The following ENPP1 variants were observed in gnomAD, a reference collection of about 807,000 sequenced individuals.
ENPP1 encodes the protein ectonucleotide pyrophosphatase/phosphodiesterase 1.
In ENPP1, 73 loss-of-function variants were observed where a neutral mutation model predicts 122.8. The observed-to-expected ratio is 0.59, with a 90% confidence interval of 0.49 to 0.72. The LOEUF (loss-of-function observed/expected upper bound fraction) is 0.72, where lower values mean the gene tolerates loss of function less well. ENPP1 is among the 30% of genes least tolerant of loss of function. ENPP1 has a pLI of 0.00. For synonymous variants in ENPP1, 367 were observed against 391.6 expected (o/e 0.94, Z 0.74); for missense variants, 978 against 1,128.1 (o/e 0.87, Z 1.91).
chr6:131,878,470 A>G (rs1470842072), intron 18 of ENPP1, 72 bp from the exon 19 acceptor site: 14 of 875,318 alleles, frequency 1.6e-5, no homozygotes, highest in South Asian at 1.4e-4. Context: ...TAATCAATCT[A>G]TAGCGGTTCT....
At chr6:131,860,712 G>T (rs1446822750) in intron 8 of ENPP1, among the ~76,000 whole-genome samples, 1 of 152,108 alleles carries the variant, frequency 6.6e-6, no homozygotes, top group African/African-American at 2.4e-5. Context: ...TTCAGAGGTG[G>T]ATTTGGGTTG....
intron 3 of ENPP1, 124 bp from the exon 4 acceptor site, chr6:131,851,018 C>A: frequency 1.8e-6 from 2 of 1,084,778 alleles, no homozygotes; most frequent in Non-Finnish European, 1.4e-6. Flanking sequence ...CTGTGAGTGA[C>A]TAAGAGCTGT....
chr6:131,890,249 C>A, intron 24 of ENPP1, 92 bp from the exon 25 acceptor site: 1 of 1,034,748 alleles, frequency 9.7e-7, no homozygotes. Context: ...GCTGAAATCT[C>A]GTAAATGATT....
At chr6:131,817,152 T>C (rs1478393728) in intron 1 of ENPP1, among the ~76,000 whole-genome samples, 1 of 152,078 alleles carries the variant, frequency 6.6e-6, no homozygotes, top group Admixed American at 6.6e-5. Flanking sequence ...TAGTACATAA[T>C]AGACTATGAT....
intron 1 of ENPP1, among the ~76,000 whole-genome samples, chr6:131,836,115 TTC>T (rs1415226915): frequency 1.4e-5 from 2 of 147,666 alleles, no homozygotes; most frequent in Non-Finnish European, 3.0e-5. Flanking sequence ...GTGTGTGGTT[TTC>T]TTTTTTTTTT....
chr6:131,889,642 A>G (rs1782437388), intron 24 of ENPP1, among the ~76,000 whole-genome samples: 1 of 152,152 alleles, frequency 6.6e-6, no homozygotes, highest in Non-Finnish European at 1.5e-5. Flanking sequence ...TATACACCAT[A>G]GTATTCCATG....
intron 2 of ENPP1, among the ~76,000 whole-genome samples, chr6:131,849,062 C>A (rs1781848484): frequency 6.6e-6 from 1 of 151,538 alleles, no homozygotes; most frequent in African/African-American, 2.4e-5. Context: ...TTCTCATTGT[C>A]CTAATTTTCT....
At chr6:131,844,248 C>T (rs1449549472) in intron 1 of ENPP1, among the ~76,000 whole-genome samples, 1 of 152,130 alleles carries the variant, frequency 6.6e-6, no homozygotes, top group South Asian at 2.1e-4. Flanking sequence ...ATTTCAGTTA[C>T]CACAGTTTAA....
intron 6 of ENPP1, among the ~76,000 whole-genome samples, chr6:131,858,004 C>T (rs1207562779): frequency 6.6e-6 from 1 of 152,042 alleles, no homozygotes; most frequent in Non-Finnish European, 1.5e-5. Context: ...TGATGGAAGG[C>T]AGTGAGATAT....
intron 1 of ENPP1, among the ~76,000 whole-genome samples, chr6:131,832,299 CTG>C (rs1781624458): frequency 1.3e-5 from 2 of 152,250 alleles, no homozygotes; most frequent in Middle Eastern, 3.4e-3. Context: ...TGCCTGAACT[CTG>C]TGCATTTCCC....
Position 131,863,471 on chromosome 6 carries a change from GA to G in ENPP1, c.1026-1031del, listed in dbSNP as rs1156364947. Among the ~76,000 whole-genome samples, 5 of 152,106 alleles carry G rather than the reference GA, an allele frequency of 3.3e-5. No homozygotes were observed. The South Asian group carries it at 8.3e-4, about 25-fold the overall frequency. Reference sequence around the variant, plus strand: ...AACAATGCATTTAGAAGGGTGAACAGAAAATATCTTAAATCCCAGACACGAA... The same window carrying G: ...AACAATGCATTTAGAAGGGTGAACAGAAATATCTTAAATCCCAGACACGAA... On this transcript the variant is annotated intron_variant, in intron 9 of 24. Coordinates refer to ENST00000647893, the MANE Select transcript of ENPP1 (RefSeq NM_006208.3).
chr6:131,887,864 CTTTT>C (rs576073873), intron 24 of ENPP1, among the ~76,000 whole-genome samples: 2 of 104,674 alleles, frequency 1.9e-5, no homozygotes, highest in Non-Finnish European at 1.9e-5. Context: ...CGTGCCTGGC[CTTTT>C]TTTTTTTTTT....
chr6:131,842,360 T>C (rs1397159673), intron 1 of ENPP1, among the ~76,000 whole-genome samples: 1 of 152,222 alleles, frequency 6.6e-6, no homozygotes, highest in Non-Finnish European at 1.5e-5. Flanking sequence ...TGGTCACCAC[T>C]ATGTCATTTC....
intron 1 of ENPP1, chr6:131,820,199 G>C (rs986473585): frequency 4.4e-6 from 1 of 228,760 alleles, no homozygotes; most frequent in South Asian, 7.2e-5. Flanking sequence ...ATCTGAAAAG[G>C]CATCTTAGGG....
At chr6:131,866,703 G>A (rs1397267942) in intron 11 of ENPP1, among the ~76,000 whole-genome samples, 1 of 152,130 alleles carries the variant, frequency 6.6e-6, no homozygotes, top group Non-Finnish European at 1.5e-5. Context: ...TAACTCCATT[G>A]TGCCTTCCTT....
chr6:131,835,998 C>T (rs1321108665), intron 1 of ENPP1, among the ~76,000 whole-genome samples: 1 of 152,138 alleles, frequency 6.6e-6, no homozygotes, highest in Non-Finnish European at 1.5e-5. Flanking sequence ...ATTTCCATTT[C>T]GTGTCGTAAT....
In ENPP1 at chr6:131,890,766, A is replaced by AC; in HGVS notation, c.*257dup. On this transcript the variant is annotated 3_prime_UTR_variant, in exon 25 of 25. Transcript: ENST00000647893. The stretch of plus-strand genomic sequence containing the variant: ...GTTCGGGGGAATAAAGACAGACCAC[A>AC]CCTAAAACTGCCTTTCTGCTTCTCT... 2.0e-6 allele frequency: 1 copy of AC among 488,832 alleles called. No individual in the cohort carries two copies. Among genetic ancestry groups the AC allele is most frequent in the South Asian group, 2.3e-5 (1 of 42,566 alleles). The allele number at this position is 488,832 out of a possible 1,614,324, so 30.3% of individuals were successfully genotyped here.
In ENPP1 at chr6:131,887,767, G is replaced by A. The variant is rs1461503655; in HGVS notation, c.2607+1043G>A. Reference sequence around the variant, plus strand: ...TTTTTAGTAGAGATGGGGTTTCACCGTGTTAGCCAGGATGGTCTCAATCTC... The same window carrying A: ...TTTTTAGTAGAGATGGGGTTTCACCATGTTAGCCAGGATGGTCTCAATCTC... On this transcript the variant is annotated intron_variant, in intron 24 of 24. Coordinates refer to ENST00000647893, the MANE Select transcript of ENPP1 (RefSeq NM_006208.3). Among the ~76,000 whole-genome samples the A allele has an allele frequency of 3.5e-5, 5 of 140,898 alleles. No individual in the cohort carries two copies. The South Asian group carries it at 6.6e-4, about 19-fold the overall frequency. The allele number at this position is 140,898 out of a possible 152,430, so 92.4% of individuals were successfully genotyped here. A position where few individuals can be genotyped will look rare whatever the true frequency, so the allele number is the denominator to read the frequency against.
chr6:131,814,007 G>A lies in ENPP1; in HGVS notation c.240+5732G>A, dbSNP rs981015849. ...AGTTAAGCAAATGGAAGAGCCTTAG[G>A]CCAGGGAAGGTTAAAGCTTTCTGTA... is the stretch of plus-strand genomic sequence containing the variant. On this transcript the variant is annotated intron_variant, in intron 1 of 24. Coordinates refer to ENST00000647893, the MANE Select transcript of ENPP1 (RefSeq NM_006208.3). Among the ~76,000 whole-genome samples the A allele has an allele frequency of 7.2e-5, 11 of 152,286 alleles. 1 individual carries two copies. The highest frequency in any genetic ancestry group is 7.2e-5 in the African/African-American group (3 of 41,550).
Sources: gnomAD v4.1 joint callset for allele counts (sites outside exome capture counted in the v4.1 genomes callset) on GRCh38, gnomAD v4.1.1 for gene constraint, MANE v1.5 for transcripts, NCBI Gene and HGNC (gene_info 2026-07-23, HGNC 2026-07-21) for gene names.